NBPF9: variants seen among roughly 807,000 people sequenced by gnomAD.
NBPF9 encodes the protein NBPF member 9.
NBPF9 carries 91 observed loss-of-function variants against 97.8 expected under a neutral mutation model. That is an observed-to-expected ratio of 0.93 (90% CI 0.79 to 1.11). NBPF9 has a LOEUF of 1.11. Among genes scored for constraint, NBPF9 ranks in the 50% least tolerant of loss-of-function variants. The pLI is 0.00. For missense variants in NBPF9, 992 were observed against 939.5 expected, an observed-to-expected ratio of 1.06 and a Z score of -0.73; for synonymous variants, 334 against 359.5, an observed-to-expected ratio of 0.93 and a Z score of 0.80.
rs587691944 is a variant in NBPF9, at chr1:149,058,131, C to A, written c.2810+33G>T. On this transcript the variant is annotated intron_variant, in intron 27 of 29. Transcript: ENST00000584027. The stretch of plus-strand genomic sequence containing the variant: ...TGAACCAGGAGTCTCCAGATGTCAA[C>A]ACAGAAGTAGATGTTCACAATTGCT... The A allele has an allele frequency of 2.3e-5, 14 of 610,180 alleles. 1 individual carries two copies. Among genetic ancestry groups the A allele is most frequent in the Non-Finnish European group, 3.5e-5 (12 of 347,204 alleles). 37.8% of individuals were successfully genotyped at this position (610,180 alleles called of 1,614,324 possible). A position where few individuals can be genotyped will look rare whatever the true frequency, so the allele number is the denominator to read the frequency against.
intron 2 of NBPF9, 111 bp from the exon 3 acceptor site, chr1:149,101,490 T>C (rs1553663304): frequency 6.6e-6 from 1 of 152,058 alleles, no homozygotes; most frequent in Non-Finnish European, 1.5e-5. Flanking sequence ...GCAATACATA[T>C]ATATCGTAGA....
intron 4 of NBPF9, among the ~76,000 whole-genome samples, chr1:149,097,537 C>A (rs1422036274): frequency 6.6e-6 from 1 of 152,216 alleles, no homozygotes; most frequent in African/African-American, 2.4e-5. Flanking sequence ...GTGGGGGCCT[C>A]AGCCCCTGGG....
intron 2 of NBPF9, 133 bp from the exon 3 acceptor site, chr1:149,101,512 T>C (rs1489808277): frequency 1.3e-5 from 2 of 151,926 alleles, no homozygotes; most frequent in African/African-American, 2.4e-5. Context: ...AGGACACATA[T>C]CCGGAAAAAA....
chr1:149,071,416 A>G (rs1553652906), intron 15 of NBPF9, among the ~76,000 whole-genome samples, 188 bp downstream of exon 15: 1 of 148,536 alleles, frequency 6.7e-6, no homozygotes, highest in Non-Finnish European at 1.5e-5. Context: ...CGGTGCAGAC[A>G]TGACACTCGG....
chr1:149,089,274 T>C (rs2081250739), intron 5 of NBPF9, among the ~76,000 whole-genome samples: 1 of 152,078 alleles, frequency 6.6e-6, no homozygotes, highest in African/African-American at 2.4e-5. Context: ...CCTCTGGGTC[T>C]TCCTTGATGG....
At chr1:149,072,295 C>A (rs182763033) in intron 14 of NBPF9, among the ~76,000 whole-genome samples, 84 of 151,790 alleles carry the variant, frequency 5.5e-4, no homozygotes, top group Middle Eastern at 3.4e-3. Flanking sequence ...TTGCAAGAGA[C>A]AATTTGTCTG....
At chr1:149,082,098 C>G in exon 7 of NBPF9, 1 of 1,610,850 alleles carries the variant, frequency 6.2e-7, no homozygotes, top group Middle Eastern at 2.1e-4. Flanking sequence ...GAATGTTCAT[C>G]TCTGCCTTCT....
chr1:149,086,011 CTTTT>C lies in NBPF9; in HGVS notation c.-194-3585_-194-3582del, dbSNP rs2080968288. ...CTATAAATGAAATGATACCTGTGTT[CTTTT>C]GTGTCTGCCTTCTTTCATGCATCAA... is the stretch of plus-strand genomic sequence containing the variant. On this transcript the variant is annotated intron_variant, in intron 5 of 29. Coordinates refer to ENST00000584027, the Ensembl canonical transcript of NBPF9. Among the ~76,000 whole-genome samples the C allele has an allele frequency of 4.6e-5, 7 of 151,714 alleles. No individual in the cohort carries two copies. In the South Asian group the frequency reaches 1.5e-3, roughly 32 times the overall value.
intron 15 of NBPF9, among the ~76,000 whole-genome samples, 167 bp from the exon 16 acceptor site, chr1:149,071,306 AC>A (rs2079390204): frequency 6.6e-6 from 1 of 151,970 alleles, no homozygotes; most frequent in South Asian, 2.1e-4. Flanking sequence ...TCTGCAACAG[AC>A]CATGGCTGCC....
At chr1:149,072,820 G>T (rs1451063030) in exon 14 of NBPF9, 1 of 1,596,306 alleles carries the variant, frequency 6.3e-7, no homozygotes, top group Non-Finnish European at 8.6e-7. Flanking sequence ...TCCGGAGTGA[G>T]GAGGGCCTGG....
At chr1:149,075,607 A>G (rs781957832) in intron 12 of NBPF9, 48 bp downstream of exon 12, 1 of 1,524,990 alleles carries the variant, frequency 6.6e-7, no homozygotes, top group Non-Finnish European at 9.1e-7. Context: ...CAGAGAGAAG[A>G]CAGGACGTCG....
rs1280232536 is a variant in NBPF9 at position 149,074,404 on chromosome 1, C to A, written c.989-534G>T. 7.3e-5 allele frequency among the ~76,000 whole-genome samples: 11 copies of A among 150,642 alleles called. 1 individual carries two copies. The highest frequency in any genetic ancestry group is 1.5e-4 in the Non-Finnish European group (10 of 67,156). Reference sequence around the variant, plus strand: ...AAGCATAAAATGTGACACATAAGACCATAAGGCCATGAAGGAAATATGCCC... The same window carrying A: ...AAGCATAAAATGTGACACATAAGACAATAAGGCCATGAAGGAAATATGCCC... On this transcript the variant is annotated intron_variant, in intron 12 of 29. Coordinates refer to ENST00000584027, the Ensembl canonical transcript of NBPF9.
At chr1:149,081,161 C>T (rs1553656639) in intron 7 of NBPF9, among the ~76,000 whole-genome samples, 1 of 151,910 alleles carries the variant, frequency 6.6e-6, no homozygotes, top group Non-Finnish European at 1.5e-5. Flanking sequence ...GCCCTGTCAC[C>T]CATGCTGGAG....
intron 9 of NBPF9, 74 bp downstream of exon 9, chr1:149,078,933 T>A (rs1309424558): frequency 1.3e-6 from 2 of 1,547,450 alleles, no homozygotes; most frequent in African/African-American, 1.4e-5. Context: ...ACAACTGTCA[T>A]TGTGAAAGTA....
intron 20 of NBPF9, among the ~76,000 whole-genome samples, 187 bp from the exon 21 acceptor site, chr1:149,063,100 CTG>C (rs1220639975): frequency 7.0e-6 from 1 of 142,216 alleles, no homozygotes; most frequent in Non-Finnish European, 1.5e-5. Flanking sequence ...GTCCCAGAAA[CTG>C]TGGGTAAAAT....
intron 9 of NBPF9, 116 bp from the exon 10 acceptor site, chr1:149,078,071 C>G (rs1479113677): frequency 2.3e-6 from 2 of 873,712 alleles, no homozygotes; most frequent in Non-Finnish European, 3.6e-6. Flanking sequence ...GTACTGAAAA[C>G]TCTCATGTTT....
Position 149,055,780 on chromosome 1 carries a change from C to T in NBPF9, c.3212G>A (p.Ser1071Asn), listed in dbSNP as rs781856620. The T allele has an allele frequency of 3.1e-6, 5 of 1,611,426 alleles. No individual in the cohort carries two copies. In the Admixed American group the frequency reaches 8.3e-5, roughly 27 times the overall value. Reference sequence around the variant, plus strand: ...CTGTTCCTCAAATGAGTAAAACACACTTCTGTAGTGCTGGAATGAGTCAGG... The same window carrying T: ...CTGTTCCTCAAATGAGTAAAACACATTTCTGTAGTGCTGGAATGAGTCAGG... The change falls in exon 30 of 30, where the codon AGT becomes AAT. Residue 1071 changes from serine to asparagine, a missense_variant. Ser to Asn is a conservative substitution (Grantham distance 46). Transcript: ENST00000584027.
At chr1:149,076,064 C>T (rs1352477599) in intron 11 of NBPF9, among the ~76,000 whole-genome samples, 200 bp from the exon 12 acceptor site, 14 of 152,138 alleles carry the variant, frequency 9.2e-5, no homozygotes, top group Non-Finnish European at 1.9e-4. Flanking sequence ...GAAACCAAGA[C>T]ATAAACACTT....
At chr1:149,056,473 T>C in intron 29 of NBPF9, 39 bp downstream of exon 29, 1 of 79,534 alleles carries the variant, frequency 1.3e-5, no homozygotes, top group Non-Finnish European at 2.0e-5. Flanking sequence ...CCTCCAGGTG[T>C]TAACACAGAA....
Sources: allele counts gnomAD v4.1 joint callset (sites outside exome capture counted in the v4.1 genomes callset), GRCh38; gene constraint gnomAD v4.1.1; transcripts MANE v1.5; gene names NCBI Gene and HGNC (gene_info 2026-07-23, HGNC 2026-07-21).